SLC25A14: variants seen among roughly 807,000 people sequenced by gnomAD.
The protein encoded by SLC25A14 is solute carrier family 25 member 14.
SLC25A14 carries 8 observed loss-of-function variants against 28.1 expected under a neutral mutation model. The observed-to-expected ratio is 0.28, with a 90% confidence interval of 0.17 to 0.51. The LOEUF (loss-of-function observed/expected upper bound fraction) is 0.51. SLC25A14 is among the 20% of genes least tolerant of loss of function. The pLI is 0.97. For synonymous variants in SLC25A14, 74 were observed against 90.6 expected, an observed-to-expected ratio of 0.82 and a Z score of 1.04; for missense variants, 135 against 263.8, an observed-to-expected ratio of 0.51 and a Z score of 3.38.
At chrX:130,340,592 C>T (rs975622798) in intron 2 of SLC25A14, among the ~76,000 whole-genome samples, 3 of 111,207 alleles carry the variant, frequency 2.7e-5, no homozygotes, top group African/African-American at 9.8e-5. Context: ...TTTTTCCCCC[C>T]AGCCTAGAGA....
intron 2 of SLC25A14, among the ~76,000 whole-genome samples, chrX:130,342,117 G>T (rs1231999225): frequency 8.9e-6 from 1 of 112,293 alleles, no homozygotes; most frequent in Non-Finnish European, 1.9e-5. Context: ...TTCCCTTGGG[G>T]ATCTTACTTA....
At chrX:130,358,865 C>T (rs1603262914) in intron 7 of SLC25A14, 130 bp downstream of exon 7, 1 of 639,928 alleles carries the variant, frequency 1.6e-6, no homozygotes, top group Middle Eastern at 3.2e-4. Flanking sequence ...CCTCATCTCC[C>T]TTGAAAGGCC....
chrX:130,351,614 A>G (rs1288311508), intron 6 of SLC25A14, among the ~76,000 whole-genome samples: 2 of 112,328 alleles, frequency 1.8e-5, no homozygotes, highest in Non-Finnish European at 3.8e-5. Flanking sequence ...TAGGATTAAA[A>G]TAAGTGAGGG....
chrX:130,367,938 A>G (rs147578404), intron 9 of SLC25A14, among the ~76,000 whole-genome samples: 2,856 of 112,272 alleles, frequency 0.025, 40 homozygotes, highest in Non-Finnish European at 0.04. Context: ...GCCCGCCACT[A>G]CGCCTGGCTT....
intron 7 of SLC25A14, among the ~76,000 whole-genome samples, chrX:130,361,732 A>G (rs2033971376): frequency 8.9e-6 from 1 of 112,013 alleles, no homozygotes; most frequent in African/African-American, 3.2e-5. Flanking sequence ...CCGTTGAGAG[A>G]GGACAGCTAC....
chrX:130,354,947 A>G (rs1021905351), intron 6 of SLC25A14, among the ~76,000 whole-genome samples: 2 of 112,290 alleles, frequency 1.8e-5, no homozygotes, highest in African/African-American at 6.5e-5. Flanking sequence ...AAGGGAAAGC[A>G]GTTTCCTTTT....
At chrX:130,351,380 T>C (rs894617922) in intron 6 of SLC25A14, among the ~76,000 whole-genome samples, 14 of 111,283 alleles carry the variant, frequency 1.3e-4, no homozygotes, top group African/African-American at 4.6e-4. Context: ...GCTTTAAACA[T>C]GGTATATTTT....
intron 2 of SLC25A14, 41 bp from the exon 3 acceptor site, chrX:130,345,141 C>T (rs753718967): frequency 2.0e-5 from 18 of 902,463 alleles, no homozygotes; most frequent in Admixed American, 1.3e-4. Flanking sequence ...AACAAATGCT[C>T]CTCACTCTTG....
At chrX:130,358,828 A>G (rs764675417) in intron 7 of SLC25A14, 93 bp downstream of exon 7, 2 of 718,042 alleles carry the variant, frequency 2.8e-6, no homozygotes, top group East Asian at 6.8e-5. Context: ...ATCGTGAATT[A>G]TAATCCAAAA....
chrX:130,372,772 G>A (rs2034297689), intron 10 of SLC25A14, 137 bp from the exon 11 acceptor site: 1 of 533,466 alleles, frequency 1.9e-6, no homozygotes, highest in Non-Finnish European at 3.3e-6. Flanking sequence ...GTCAGGTGGT[G>A]TTTTAGAAAA....
chrX:130,351,410 T>C (rs916473717), intron 6 of SLC25A14, among the ~76,000 whole-genome samples: 2 of 111,663 alleles, frequency 1.8e-5, no homozygotes, highest in African/African-American at 6.5e-5. Flanking sequence ...TGGAATATTC[T>C]GAATTCAGAA....
intron 6 of SLC25A14, among the ~76,000 whole-genome samples, chrX:130,354,629 C>A (rs1290262318): frequency 1.8e-5 from 2 of 112,093 alleles, no homozygotes; most frequent in African/African-American, 6.5e-5. Context: ...GCACTGCCAT[C>A]TCCTAGGGCA....
At chrX:130,340,681 C>T (rs2033227629) in intron 2 of SLC25A14, among the ~76,000 whole-genome samples, 1 of 110,736 alleles carries the variant, frequency 9.0e-6, no homozygotes, top group African/African-American at 3.3e-5. Context: ...TTGGGGAAGT[C>T]TATCTCTAAC....
chrX:130,355,071 A>G (rs2033749343), intron 6 of SLC25A14, among the ~76,000 whole-genome samples: 1 of 112,709 alleles, frequency 8.9e-6, no homozygotes, highest in Non-Finnish European at 1.9e-5. Flanking sequence ...CTTATCTTAC[A>G]GTACAGTTTA....
chrX:130,340,168 C>T lies in SLC25A14; in HGVS notation c.-111C>T. The T allele has an allele frequency of 2.2e-5, 25 of 1,162,641 alleles. No individual in the cohort carries two copies. In the South Asian group the frequency reaches 4.6e-4, roughly 21 times the overall value. On this transcript the variant is annotated 5_prime_UTR_variant, in exon 2 of 11. Coordinates refer to ENST00000545805, the MANE Select transcript of SLC25A14 (RefSeq NM_001282195.2). ...GGTGGTTTTACTTCTTCGATTGAAC[C>T]CTGCTTCCTCGACCCCCCTGGGAGG...
intron 4 of SLC25A14, 26 bp downstream of exon 4, chrX:130,346,717 A>G (rs775230798): frequency 2.6e-6 from 3 of 1,145,756 alleles, no homozygotes; most frequent in African/African-American, 3.6e-5. Flanking sequence ...TCCTTATATC[A>G]TTAACAGAAA....
chrX:130,364,908 T>C lies in SLC25A14; in HGVS notation c.719+156T>C, dbSNP rs73634087. On this transcript the variant is annotated intron_variant, in intron 8 of 10. Transcript: ENST00000545805. ...AGAACTTCAAGCCTTATGAACACTT[T>C]ATACTTCACAGAAATGCCAGGTGCT... 1,416 of 1,026,759 alleles carry C rather than the reference T, an allele frequency of 1.4e-3. 15 individuals carry two copies. The African/African-American group carries it at 0.025, about 18-fold the overall frequency. 84.6% of individuals were successfully genotyped at this position (1,026,759 alleles called of 1,213,427 possible).
rs2034095781 is a variant in SLC25A14, at chrX:130,365,559, T to A, written c.738T>A (p.Gly246=). 1 of 1,209,844 alleles carries A rather than the reference T, an allele frequency of 8.3e-7. No homozygotes were observed. Residue 246 remains glycine (G), a synonymous_variant, in exon 9 of 11, where the codon GGT becomes GGA. Transcript: ENST00000545805. ...LTHFVSSFTC[G]LAGALASNPV... is the part of the protein sequence containing the mutation. ...CTCTTAGTTCCAGCTTTACATGTGG[T>A]TTGGCTGGGGCTCTGGCCTCCAACC... is the stretch of plus-strand genomic sequence containing the variant.
Position 130,358,623 on chromosome X carries a change from A to T in SLC25A14, c.499-17A>T. The T allele has an allele frequency of 9.1e-7, 1 of 1,096,759 alleles. No individual in the cohort carries two copies. Among genetic ancestry groups the T allele is most frequent in the Non-Finnish European group, 1.3e-6 (1 of 795,563 alleles). 90.4% of individuals were successfully genotyped at this position (1,096,759 alleles called of 1,213,427 possible). On this transcript the variant is annotated splice_polypyrimidine_tract_variant and intron_variant, in intron 6 of 10. Coordinates refer to ENST00000545805, the MANE Select transcript of SLC25A14 (RefSeq NM_001282195.2). ...TTCTCTCTGACAAAATAAGATGTTC[A>T]CCTCTTTTCATTTTAGATTCGAATG...
Sources: allele counts gnomAD v4.1 joint callset (sites outside exome capture counted in the v4.1 genomes callset), GRCh38; gene constraint gnomAD v4.1.1; transcripts MANE v1.5; gene names NCBI Gene and HGNC (gene_info 2026-07-23, HGNC 2026-07-21).